The following GPC6 variants were observed in gnomAD, a reference collection of about 807,000 sequenced individuals.
The protein encoded by GPC6 is glypican 6, also known as glypican-6.
Under a neutral mutation model 55.2 loss-of-function variants are expected in GPC6, and 14 were observed. The ratio of observed to expected loss-of-function variants is 0.25; its 90% CI spans 0.17 to 0.40. The LOEUF (loss-of-function observed/expected upper bound fraction) is 0.40. Among genes scored for constraint, GPC6 ranks in the 10% least tolerant of loss-of-function variants. The probability of loss-of-function intolerance (pLI) is 1.00; values close to 1 mark genes in which losing one functional copy is unlikely to be tolerated. For missense variants in GPC6, 641 were observed against 708.5 expected (o/e 0.90, Z 1.08); for synonymous variants, 278 against 259.6 (o/e 1.07, Z -0.68).
chr13:93,550,351 A>T (rs1481537463), intron 2 of GPC6, among the ~76,000 whole-genome samples: 1 of 152,084 alleles, frequency 6.6e-6, no homozygotes, highest in Non-Finnish European at 1.5e-5. Context: ...CTCCATATGA[A>T]GTTTTTTGTT....
chr13:93,283,710 C>A lies in GPC6; in HGVS notation c.160+56094C>A, dbSNP rs141939627. Among the ~76,000 whole-genome samples the A allele has an allele frequency of 3.6e-3, 551 of 152,286 alleles. 3 individuals are homozygous for A. Among genetic ancestry groups the A allele is most frequent in the African/African-American group, 0.013 (532 of 41,564 alleles). Reference sequence around the variant, plus strand: ...TACAGATCACTTTTGTGAATAATCCCAAACTGCAAGTAATACAAAAAGTTA... The same window carrying A: ...TACAGATCACTTTTGTGAATAATCCAAAACTGCAAGTAATACAAAAAGTTA... On this transcript the variant is annotated intron_variant, in intron 1 of 8. Transcript: ENST00000377047.
chr13:93,270,252 T>TA (rs5805797), intron 1 of GPC6, among the ~76,000 whole-genome samples: 49,548 of 141,528 alleles, frequency 0.35, 8,930 homozygotes, highest in African/African-American at 0.45. Context: ...CTTTTCTCCT[T>TA]AAAAAAAAAA....
At chr13:93,436,164 C>T (rs1324383060) in intron 1 of GPC6, among the ~76,000 whole-genome samples, 1 of 152,078 alleles carries the variant, frequency 6.6e-6, no homozygotes, top group African/African-American at 2.4e-5. Flanking sequence ...AATGGAGGCC[C>T]TAAGCCCCAA....
At chr13:94,218,797 A>T (rs1488655557) in intron 4 of GPC6, among the ~76,000 whole-genome samples, 2 of 152,138 alleles carry the variant, frequency 1.3e-5, no homozygotes, top group Non-Finnish European at 2.9e-5. Context: ...TCACCTTGGG[A>T]TACTCTTTAA....
chr13:93,678,114 C>A (rs1215870712), intron 2 of GPC6, among the ~76,000 whole-genome samples: 1 of 151,990 alleles, frequency 6.6e-6, no homozygotes, highest in East Asian at 1.9e-4. Context: ...TATTTACAGG[C>A]AAAAAATGTG....
intron 3 of GPC6, among the ~76,000 whole-genome samples, chr13:94,023,455 C>T (rs1011859623): frequency 7.9e-5 from 12 of 151,816 alleles, no homozygotes; most frequent in African/African-American, 2.9e-4. Context: ...CATGGAAAGG[C>T]TAAAATAGTG....
At chr13:93,754,889 T>A (rs1300140785) in intron 2 of GPC6, among the ~76,000 whole-genome samples, 2 of 152,168 alleles carry the variant, frequency 1.3e-5, no homozygotes, top group Non-Finnish European at 2.9e-5. Context: ...AGTCCCATGA[T>A]ACAGATCTTC....
intron 3 of GPC6, among the ~76,000 whole-genome samples, chr13:93,976,637 A>G (rs1177472677): frequency 1.3e-5 from 2 of 150,954 alleles, no homozygotes; most frequent in Non-Finnish European, 3.0e-5. Context: ...CAATTTAAGA[A>G]GCGATCTCTC....
chr13:93,240,024 T>C (rs111475435), intron 1 of GPC6, among the ~76,000 whole-genome samples: 1 of 152,098 alleles, frequency 6.6e-6, no homozygotes, highest in African/African-American at 2.4e-5. Context: ...TTTTAAAAAT[T>C]TATTGGAACT....
intron 2 of GPC6, among the ~76,000 whole-genome samples, chr13:93,641,389 G>T (rs1359876003): frequency 6.6e-6 from 1 of 152,104 alleles, no homozygotes; most frequent in Non-Finnish European, 1.5e-5. Context: ...TATTCTGACT[G>T]CAGGGGTTTC....
intron 2 of GPC6, among the ~76,000 whole-genome samples, chr13:93,677,410 A>G (rs1344538507): frequency 6.6e-6 from 1 of 152,102 alleles, no homozygotes; most frequent in Non-Finnish European, 1.5e-5. Context: ...CAAAACAGTG[A>G]TTGGTAATAT....
intron 2 of GPC6, among the ~76,000 whole-genome samples, chr13:93,721,802 TTCTG>T (rs1883463830): frequency 1.3e-5 from 2 of 151,934 alleles, no homozygotes; most frequent in Admixed American, 1.3e-4. Flanking sequence ...CTGTGTTTCT[TTCTG>T]TCTAATAATA....
chr13:93,911,130 T>C (rs898638000), intron 3 of GPC6, among the ~76,000 whole-genome samples: 1 of 152,194 alleles, frequency 6.6e-6, no homozygotes, highest in African/African-American at 2.4e-5. Context: ...TGGGAAATCT[T>C]AATTAAATTC....
intron 1 of GPC6, among the ~76,000 whole-genome samples, chr13:93,424,838 G>A (rs975713442): frequency 6.6e-6 from 1 of 152,042 alleles, no homozygotes; most frequent in African/African-American, 2.4e-5. Context: ...TATGTTTCCC[G>A]TAGATTATTT....
intron 2 of GPC6, among the ~76,000 whole-genome samples, chr13:93,585,863 T>G (rs1024499835): frequency 6.6e-6 from 1 of 152,156 alleles, no homozygotes; most frequent in African/African-American, 2.4e-5. Context: ...TATAGGAAAA[T>G]AAGGAATTTC....
At chr13:93,758,295 G>C (rs1271172135) in intron 2 of GPC6, among the ~76,000 whole-genome samples, 1 of 152,198 alleles carries the variant, frequency 6.6e-6, no homozygotes, top group Non-Finnish European at 1.5e-5. Flanking sequence ...GAGGAAGTTA[G>C]AAAAGTTCCC....
At chr13:94,072,723 C>A (rs1884780204) in intron 4 of GPC6, among the ~76,000 whole-genome samples, 1 of 152,196 alleles carries the variant, frequency 6.6e-6, no homozygotes, top group Admixed American at 6.5e-5. Flanking sequence ...TGCAAAGGCA[C>A]CAGTTCCTGT....
intron 4 of GPC6, among the ~76,000 whole-genome samples, chr13:94,129,263 G>A (rs1484184243): frequency 6.6e-6 from 1 of 152,058 alleles, no homozygotes; most frequent in Non-Finnish European, 1.5e-5. Flanking sequence ...CATAAGCTGT[G>A]CTGGACAACT....
chr13:93,455,118 A>G (rs946026226), intron 1 of GPC6, among the ~76,000 whole-genome samples: 2 of 152,104 alleles, frequency 1.3e-5, no homozygotes, highest in Non-Finnish European at 2.9e-5. Flanking sequence ...CCGGAACTCC[A>G]GCTGGCCCGC....
Sources: allele counts gnomAD v4.1 joint callset (sites outside exome capture counted in the v4.1 genomes callset), GRCh38; gene constraint gnomAD v4.1.1; transcripts MANE v1.5; gene names NCBI Gene and HGNC (gene_info 2026-07-23, HGNC 2026-07-21).